RNF40: variants seen among roughly 807,000 people sequenced by gnomAD.
RNF40 encodes the protein ring finger protein 40.
Under a neutral mutation model 123.3 loss-of-function variants are expected in RNF40, and 39 were observed. The ratio of observed to expected loss-of-function variants is 0.32; its 90% CI spans 0.24 to 0.41. The LOEUF (loss-of-function observed/expected upper bound fraction) is 0.41. RNF40 is among the 10% of genes least tolerant of loss of function. The pLI, the probability that RNF40 is intolerant of heterozygous loss-of-function variation, is 1.00. For synonymous variants in RNF40, 538 were observed against 526.0 expected (o/e 1.02, Z -0.31); for missense variants, 1,003 against 1,319.9 (o/e 0.76, Z 3.72).
rs1180838040 is a variant in RNF40 at position 30,763,280 on chromosome 16, G to A, written c.295G>A (p.Ala99Thr). Residue 99 changes from alanine to threonine, a missense_variant, in exon 3 of 20, where the codon GCC (alanine) becomes ACC (threonine). Around this residue, in one of 11 missense-constraint regions of RNF40, gnomAD observed 104 missense variants for 85.2 expected, o/e 1.22. Coordinates refer to ENST00000324685, the MANE Select transcript of RNF40 (RefSeq NM_014771.4). Reference protein sequence around the residue: ...ATLLIVNRYWAQLDETVEALL... With the variant: ...ATLLIVNRYWTQLDETVEALL... ...ACTCCTCATCGTCAATCGCTACTGG[G>A]CCCAGGTGGATACCTTCTGCTTTCA... 1.2e-6 allele frequency: 2 copies of A among 1,614,134 alleles called. No homozygotes were observed. The highest frequency in any genetic ancestry group is 1.7e-5 in the Admixed American group (1 of 60,036).
chr16:30,762,632 C>T lies in RNF40; in HGVS notation c.87C>T (p.Thr29=), dbSNP rs140084956. The change falls in exon 2 of 20, where the codon ACC becomes ACT. Residue 29 remains threonine (T), a synonymous_variant. Coordinates refer to ENST00000324685, the MANE Select transcript of RNF40 (RefSeq NM_014771.4). The part of the protein sequence containing the change: ...EKKLSREEKT[T]TTLIEPIRLG... ...AGCTGAGTCGTGAGGAGAAGACCAC[C>T]ACGACTCTTATCGAGCCCATTCGTC... 1 of 1,612,594 alleles carries T rather than the reference C, an allele frequency of 6.2e-7. No homozygotes were observed. Among genetic ancestry groups the T allele is most frequent in the Non-Finnish European group, 8.5e-7 (1 of 1,179,774 alleles).
chr16:30,773,025 C>T (rs2054174434), intron 19 of RNF40, among the ~76,000 whole-genome samples: 1 of 151,978 alleles, frequency 6.6e-6, no homozygotes, highest in African/African-American at 2.4e-5. Flanking sequence ...TAGTTAGTAC[C>T]ATTTAGGGGG....
At chr16:30,772,004 G>T in intron 18 of RNF40, 31 bp downstream of exon 18, 3 of 1,586,334 alleles carry the variant, frequency 1.9e-6, no homozygotes, top group Non-Finnish European at 1.7e-6. Context: ...CCAGGCCAGG[G>T]TGGTCCACGG....
In RNF40 at chr16:30,766,495, C is replaced by T. The variant is rs777568668; in HGVS notation, c.1230C>T (p.Asp410=). The change falls in exon 10 of 20, where the codon GAC becomes GAT. Residue 410 remains aspartate, a synonymous_variant. Coordinates refer to ENST00000324685, the MANE Select transcript of RNF40 (RefSeq NM_014771.4). This position sits in a 1 kb window ranked among gnomAD's most constrained non-coding sequence, Gnocchi z 5.4. The stretch of plus-strand genomic sequence containing the variant: ...CTCTGCAAGTGAAGACCCAGCTAGA[C>T]GAGGCTCGGGGCCTGCTGCTGGCCA... ...NESLQVKTQL[D]EARGLLLATK... is the part of the protein sequence containing the mutation. 47 of 1,613,496 alleles carry T rather than the reference C, an allele frequency of 2.9e-5. No homozygotes were observed. The highest frequency in any genetic ancestry group is 2.5e-4 in the African/African-American group (19 of 74,898).
rs774886042 is a variant in RNF40 at position 30,766,562 on chromosome 16, T to C, written c.1293+4T>C. The C allele has an allele frequency of 6.2e-7, 1 of 1,606,480 alleles. No individual in the cohort carries two copies. The highest frequency in any genetic ancestry group is 1.7e-5 in the Admixed American group (1 of 59,652). On this transcript the variant is annotated splice_donor_region_variant and intron_variant, in intron 10 of 19. Transcript: ENST00000324685. The surrounding 1 kb of genome is among the most constrained non-coding windows in gnomAD (Gnocchi z 5.4). ...GCGACACATCGAGCACATGGAGGTA[T>C]GGCCCTGGAACAGGCGTTAGGGCTG...
intron 19 of RNF40, among the ~76,000 whole-genome samples, chr16:30,772,498 AG>A (rs2054165676): frequency 6.6e-6 from 1 of 152,020 alleles, no homozygotes; most frequent in African/African-American, 2.4e-5. Flanking sequence ...CAGAGGCCAG[AG>A]GGGCTGAGGG....
In RNF40 at chr16:30,766,079, G is replaced by T; in HGVS notation, c.994-84G>T. ...ATCATTGCCCTGCACGGGGTGCTTG[G>T]GGTGGAGTGTATGCTGGGGATGTAA... On this transcript the variant is annotated intron_variant, in intron 8 of 19. Coordinates refer to ENST00000324685, the MANE Select transcript of RNF40 (RefSeq NM_014771.4). The surrounding 1 kb of genome is among the most constrained non-coding windows in gnomAD (Gnocchi z 5.4). 1 of 1,589,210 alleles carries T rather than the reference G, an allele frequency of 6.3e-7. No homozygotes were observed. The highest frequency in any genetic ancestry group is 8.6e-7 in the Non-Finnish European group (1 of 1,160,950).
intron 19 of RNF40, 149 bp downstream of exon 19, chr16:30,772,339 C>T (rs1364330332): frequency 4.1e-6 from 3 of 739,642 alleles, no homozygotes; most frequent in East Asian, 5.4e-5. Context: ...ATGCTGTTTG[C>T]TGTACATGTA....
chr16:30,765,830 T>A (rs1407879725), intron 8 of RNF40, among the ~76,000 whole-genome samples: 2 of 152,216 alleles, frequency 1.3e-5, no homozygotes, highest in African/African-American at 4.8e-5. Context: ...ACCACAAAGA[T>A]AAAGCACAGA....
At chr16:30,770,113 CAAA>C (rs1156899061) in intron 17 of RNF40, among the ~76,000 whole-genome samples, 83 of 8,028 alleles carry the variant, frequency 0.01, no homozygotes, top group Non-Finnish European at 0.026. Flanking sequence ...GGAAAAAAAA[CAAA>C]AGATTTTTGA....
rs1464801491 is a variant in RNF40 at position 30,766,874 on chromosome 16, C to T, written c.1427C>T (p.Ala476Val). ...CAGAATCTGGCGGCCAACGAGCAGG[C>T]GGGTATGTGGTGAGGATAGGGCGGA... ...FEQNLAANEQAGPINREMRHL... is the reference protein window; with the variant it reads ...FEQNLAANEQVGPINREMRHL... The change falls in exon 11 of 20, where the codon GCG becomes GTG. Residue 476 changes from alanine to valine, a missense_variant and splice_region_variant. By Grantham distance (64) the Ala-to-Val change is moderately conservative (BLOSUM62 0). Transcript: ENST00000324685. The surrounding 1 kb of genome is among the most constrained non-coding windows in gnomAD (Gnocchi z 5.4). The T allele has an allele frequency of 1.2e-6, 2 of 1,612,810 alleles. No individual in the cohort carries two copies. Among genetic ancestry groups the T allele is most frequent in the Admixed American group, 1.7e-5 (1 of 59,968 alleles).
At position 30,763,494 on chromosome 16, in the gene RNF40, G is replaced by C; in HGVS notation, c.377G>C (p.Gly126Ala). The C allele has an allele frequency of 6.2e-7, 1 of 1,614,054 alleles. No individual in the cohort carries two copies. Among genetic ancestry groups the C allele is most frequent in the South Asian group, 1.1e-5 (1 of 91,064 alleles). Residue 126 changes from glycine to alanine, a missense_variant, in exon 4 of 20, where the codon GGG becomes GCG. Coordinates refer to ENST00000324685, the MANE Select transcript of RNF40 (RefSeq NM_014771.4). The stretch of plus-strand genomic sequence containing the variant: ...CTGTCTTCAGCGCCTGAGGCACCTG[G>C]GACCCAGGAGGGGCCAACATGTGAT... ...GELSSAPEAP[G>A]TQEGPTCDGT...
Position 30,768,472 on chromosome 16 carries a change from G to C in RNF40, c.1921G>C (p.Val641Leu). Reference sequence around the variant, plus strand: ...AAGGGCTGATCGGGAGAAGGCCAAGGTGGAAGAAACCAAGCGGAAGGAATC... The same window carrying C: ...AAGGGCTGATCGGGAGAAGGCCAAGCTGGAAGAAACCAAGCGGAAGGAATC... ...LSRADREKAK[V>L]EETKRKESEL... is the part of the protein sequence containing the mutation. Residue 641 changes from valine (V) to leucine (L), a missense_variant, in exon 13 of 20, where the codon GTG (valine) becomes CTG (leucine). By Grantham distance (32) the Val-to-Leu change is conservative (BLOSUM62 1). Around this residue, in one of 11 missense-constraint regions of RNF40, gnomAD observed 295 missense variants for 331.7 expected, o/e 0.89. Transcript: ENST00000324685. This position sits in a 1 kb window ranked among gnomAD's most constrained non-coding sequence, Gnocchi z 4.1. 1 of 1,611,138 alleles carries C rather than the reference G, an allele frequency of 6.2e-7. No individual in the cohort carries two copies. The highest frequency in any genetic ancestry group is 1.1e-5 in the South Asian group (1 of 90,902).
chr16:30,761,706 G>A (rs1009614040), upstream of RNF40: 65 of 1,533,622 alleles, frequency 4.2e-5, 2 homozygotes, highest in African/African-American at 4.0e-4. Flanking sequence ...AGCTCCGACT[G>A]CACCCTCATT....
rs780022020 is a variant in RNF40 at position 30,766,121 on chromosome 16, C to T, written c.994-42C>T. ...GGGATGTAAGGGAGGCCTGCTGCCA[C>T]GTCTGGCCCTGCCTCCCATGGCCCT... On this transcript the variant is annotated intron_variant, in intron 8 of 19. Coordinates refer to ENST00000324685, the MANE Select transcript of RNF40 (RefSeq NM_014771.4). The surrounding 1 kb of genome is among the most constrained non-coding windows in gnomAD (Gnocchi z 5.4). The T allele has an allele frequency of 2.1e-5, 34 of 1,612,484 alleles. 1 individual carries two copies. In the South Asian group the frequency reaches 2.2e-4, roughly 10 times the overall value.
chr16:30,762,499 G>T lies in RNF40; in HGVS notation c.-47G>T. The T allele has an allele frequency of 6.5e-7, 1 of 1,539,178 alleles. No homozygotes were observed. The highest frequency in any genetic ancestry group is 8.7e-7 in the Non-Finnish European group (1 of 1,155,666). ...GGTGACGGAAGTACCGCCTCCTCCC[G>T]TTTGACGCCCCTCAGGGGACCCTGC... On this transcript the variant is annotated 5_prime_UTR_variant, in exon 2 of 20. Coordinates refer to ENST00000324685, the MANE Select transcript of RNF40 (RefSeq NM_014771.4).
At position 30,766,017 on chromosome 16, in the gene RNF40, C is replaced by A; in HGVS notation, c.994-146C>A. On this transcript the variant is annotated intron_variant, in intron 8 of 19. Transcript: ENST00000324685. This position sits in a 1 kb window ranked among gnomAD's most constrained non-coding sequence, Gnocchi z 5.4. ...GAATTTTCTCCCATTTTTCTGGGAG[C>A]CCTTAGGAAAGTACTTGGTTTGGGG... 8.9e-7 allele frequency: 1 copy of A among 1,119,830 alleles called. No individual in the cohort carries two copies. Among genetic ancestry groups the A allele is most frequent in the Non-Finnish European group, 1.3e-6 (1 of 770,622 alleles). The allele number at this position is 1,119,830 out of a possible 1,614,324, so 69.4% of individuals were successfully genotyped here.
chr16:30,766,001 C>G lies in RNF40; in HGVS notation c.994-162C>G, dbSNP rs977255605. Among the ~76,000 whole-genome samples, 2 of 152,172 alleles carry G rather than the reference C, an allele frequency of 1.3e-5. No individual in the cohort carries two copies. Among genetic ancestry groups the G allele is most frequent in the Non-Finnish European group, 2.9e-5 (2 of 68,040 alleles). On this transcript the variant is annotated intron_variant, in intron 8 of 19. Coordinates refer to ENST00000324685, the MANE Select transcript of RNF40 (RefSeq NM_014771.4). This position sits in a 1 kb window ranked among gnomAD's most constrained non-coding sequence, Gnocchi z 5.4. Reference sequence around the variant, plus strand: ...CCGACCATGCAGTATTGAATTTTCTCCCATTTTTCTGGGAGCCCTTAGGAA... The same window carrying G: ...CCGACCATGCAGTATTGAATTTTCTGCCATTTTTCTGGGAGCCCTTAGGAA...
At position 30,762,958 on chromosome 16, in the gene RNF40, G is replaced by A. The variant is rs1046094251; in HGVS notation, c.133-160G>A. ...GCCTCCTCACAACAAAGACACTTTC[G>A]CTGTGTGTTGTCTGAGCCTCCTTAG... On this transcript the variant is annotated intron_variant, in intron 2 of 19. Transcript: ENST00000324685. Among the ~76,000 whole-genome samples the A allele has an allele frequency of 2.6e-5, 4 of 152,204 alleles. No individual in the cohort carries two copies. In the South Asian group the frequency reaches 8.3e-4, roughly 32 times the overall value.
Sources: allele counts gnomAD v4.1 joint callset (sites outside exome capture counted in the v4.1 genomes callset), GRCh38; gene constraint gnomAD v4.1.1; regional missense constraint gnomAD v4.1.1; non-coding constraint Gnocchi (gnomAD v3.1); transcripts MANE v1.5; gene names NCBI Gene and HGNC (gene_info 2026-07-23, HGNC 2026-07-21).